The following CNTN5 variants were observed in gnomAD, a reference collection of about 807,000 sequenced individuals.
The protein encoded by CNTN5 is contactin-5.
A neutral mutation model predicts 129.1 loss-of-function variants in CNTN5; 77 were observed. That is an observed-to-expected ratio of 0.60 (90% CI 0.50 to 0.72). CNTN5 has a LOEUF of 0.72. Among genes scored for constraint, CNTN5 ranks in the 30% least tolerant of loss-of-function variants. The pLI is 0.00. For missense variants in CNTN5, 1,478 were observed against 1,328.8 expected, an observed-to-expected ratio of 1.11 and a Z score of -1.75; for synonymous variants, 509 against 465.6, an observed-to-expected ratio of 1.09 and a Z score of -1.20.
chr11:99,765,422 G>T (rs555991697), intron 3 of CNTN5, among the ~76,000 whole-genome samples: 1 of 151,754 alleles, frequency 6.6e-6, no homozygotes, highest in Admixed American at 6.6e-5. Context: ...AACATTTGCA[G>T]GTCTTTAGTA....
chr11:99,736,253 T>A (rs749426785), intron 3 of CNTN5, among the ~76,000 whole-genome samples: 6 of 152,200 alleles, frequency 3.9e-5, no homozygotes, highest in Admixed American at 6.5e-5. Context: ...TTATCTGTGG[T>A]AAGCAGGGTG....
chr11:99,956,063 G>C (rs1950795017), intron 7 of CNTN5, among the ~76,000 whole-genome samples: 1 of 151,656 alleles, frequency 6.6e-6, no homozygotes, highest in Non-Finnish European at 1.5e-5. Context: ...ACATAATAAT[G>C]TTTAGTTAGG....
intron 2 of CNTN5, among the ~76,000 whole-genome samples, chr11:99,426,613 G>T (rs1260062486): frequency 6.6e-6 from 1 of 152,134 alleles, no homozygotes; most frequent in Non-Finnish European, 1.5e-5. Context: ...TGCTGGTCTT[G>T]TATCAGTGCC....
intron 3 of CNTN5, among the ~76,000 whole-genome samples, chr11:99,644,542 A>AT (rs1310619213): frequency 6.6e-6 from 1 of 152,268 alleles, no homozygotes; most frequent in African/African-American, 2.4e-5. Context: ...GACGTTTAAA[A>AT]TTTTTTCACA....
chr11:99,834,648 G>A (rs1407609113), intron 4 of CNTN5, among the ~76,000 whole-genome samples: 2 of 152,148 alleles, frequency 1.3e-5, no homozygotes, highest in Admixed American at 1.3e-4. Context: ...AATCACAAAG[G>A]AAGAGCATAA....
chr11:99,569,927 A>G (rs1159932960), intron 3 of CNTN5, among the ~76,000 whole-genome samples: 2 of 152,232 alleles, frequency 1.3e-5, no homozygotes, highest in African/African-American at 4.8e-5. Context: ...AGCCATAGCA[A>G]TTATCTTAGC....
At chr11:99,477,792 A>T (rs1227197144) in intron 2 of CNTN5, among the ~76,000 whole-genome samples, 2 of 151,994 alleles carry the variant, frequency 1.3e-5, no homozygotes, top group African/African-American at 4.8e-5. Flanking sequence ...TCTAAAAAAA[A>T]AAAAAGGTAA....
chr11:99,124,999 C>G (rs1858547881), intron 1 of CNTN5, among the ~76,000 whole-genome samples: 1 of 151,918 alleles, frequency 6.6e-6, no homozygotes, highest in East Asian at 1.9e-4. Flanking sequence ...AAAGCCAGCA[C>G]TAGAGGAATT....
chr11:99,517,444 G>A (rs60071251), intron 2 of CNTN5, among the ~76,000 whole-genome samples: 9,998 of 151,900 alleles, frequency 0.066, 362 homozygotes, highest in African/African-American at 0.098. Context: ...GATGTACTCC[G>A]AAATTCTTGG....
chr11:99,208,812 A>G (rs1245912323), intron 1 of CNTN5, among the ~76,000 whole-genome samples: 2 of 152,158 alleles, frequency 1.3e-5, no homozygotes, highest in African/African-American at 2.4e-5. Context: ...AAATAATAAA[A>G]AAATGCAATT....
chr11:99,181,924 C>T (rs537630955), intron 1 of CNTN5, among the ~76,000 whole-genome samples: 10 of 152,232 alleles, frequency 6.6e-5, no homozygotes, highest in African/African-American at 2.2e-4. Context: ...GGTTATATAG[C>T]AAAAGAATCT....
intron 2 of CNTN5, among the ~76,000 whole-genome samples, chr11:99,388,855 C>T (rs1565541952): frequency 6.6e-6 from 1 of 152,106 alleles, no homozygotes; most frequent in Non-Finnish European, 1.5e-5. Flanking sequence ...CAGACACAGA[C>T]ACACATACAC....
At chr11:100,113,433 AAAAAAAAAAAAAAAAAAAAAC>A (rs1945722622) in intron 13 of CNTN5, among the ~76,000 whole-genome samples, 1 of 141,488 alleles carries the variant, frequency 7.1e-6, no homozygotes, top group African/African-American at 2.6e-5. Flanking sequence ...AAAAAAAAAA[AAAAAAAAAAAAAAAAAAAAAC>A]AAGAAAGAAA....
At chr11:99,789,691 C>G (rs918584309) in intron 3 of CNTN5, among the ~76,000 whole-genome samples, 3 of 151,966 alleles carry the variant, frequency 2.0e-5, no homozygotes, top group African/African-American at 4.8e-5. Context: ...AAGTTTTTCT[C>G]TCTTAAATCT....
intron 1 of CNTN5, among the ~76,000 whole-genome samples, chr11:99,182,611 A>G (rs922233110): frequency 6.6e-6 from 1 of 152,186 alleles, no homozygotes; most frequent in African/African-American, 2.4e-5. Context: ...GAGTCCCTCC[A>G]TCCTCTGGGC....
chr11:100,128,565 G>A (rs900443497), intron 13 of CNTN5, among the ~76,000 whole-genome samples: 6 of 152,018 alleles, frequency 3.9e-5, no homozygotes, highest in Non-Finnish European at 5.9e-5. Flanking sequence ...GTAATCACAA[G>A]CACCTTTACA....
chr11:99,077,225 G>T (rs2135269280), intron 1 of CNTN5, among the ~76,000 whole-genome samples: 1 of 144,384 alleles, frequency 6.9e-6, no homozygotes, highest in East Asian at 2.2e-4. Context: ...TTTAACAAAT[G>T]ATCAAAATTT....
At chr11:99,279,283 T>A (rs1369346446) in intron 1 of CNTN5, among the ~76,000 whole-genome samples, 2 of 151,862 alleles carry the variant, frequency 1.3e-5, no homozygotes, top group African/African-American at 2.4e-5. Context: ...TCTCAACTAG[T>A]GAACCTCAGT....
chr11:99,230,238 T>A (rs181975028), intron 1 of CNTN5, among the ~76,000 whole-genome samples: 1 of 152,080 alleles, frequency 6.6e-6, no homozygotes, highest in Non-Finnish European at 1.5e-5. Context: ...TCCCCAGTCA[T>A]GCTTGCTCCA....
Sources: gnomAD v4.1 joint callset for allele counts (sites outside exome capture counted in the v4.1 genomes callset) on GRCh38, gnomAD v4.1.1 for gene constraint, MANE v1.5 for transcripts, NCBI Gene and HGNC (gene_info 2026-07-23, HGNC 2026-07-21) for gene names.